FMN1: variants seen among roughly 807,000 people sequenced by gnomAD.
The protein encoded by FMN1 is formin-1.
In FMN1, 110 loss-of-function variants were observed where a neutral mutation model predicts 132.4. The ratio of observed to expected loss-of-function variants is 0.83; its 90% CI spans 0.71 to 0.97. The LOEUF (loss-of-function observed/expected upper bound fraction) is 0.97. FMN1 is among the 50% of genes least tolerant of loss of function. The probability of loss-of-function intolerance (pLI) is 0.00; values close to 1 mark genes in which losing one functional copy is unlikely to be tolerated. For synonymous variants in FMN1, 722 were observed against 651.7 expected (o/e 1.11, Z -1.64); for missense variants, 1,792 against 1,705.3 (o/e 1.05, Z -0.90).
chr15:32,785,592 A>ATTAC (rs1337685478), intron 19 of FMN1, among the ~76,000 whole-genome samples: 1 of 152,174 alleles, frequency 6.6e-6, no homozygotes, highest in African/African-American at 2.4e-5. Context: ...TTCAGTCAGT[A>ATTAC]CAGAAAATAC....
intron 7 of FMN1, among the ~76,000 whole-genome samples, chr15:32,999,446 A>G (rs1254972846): frequency 6.6e-6 from 1 of 152,226 alleles, no homozygotes; most frequent in Non-Finnish European, 1.5e-5. Flanking sequence ...ACAAGTCTTA[A>G]TGGAGGCCAG....
At chr15:33,138,281 T>G (rs542038966) in intron 4 of FMN1, among the ~76,000 whole-genome samples, 5 of 152,302 alleles carry the variant, frequency 3.3e-5, no homozygotes, top group African/African-American at 1.2e-4. Context: ...TCGAGTAACC[T>G]AAAGATGAGT....
At position 32,999,918 on chromosome 15, in the gene FMN1, C is replaced by T. The variant is rs117586802; in HGVS notation, c.2223+8096G>A. 1.2e-4 allele frequency among the ~76,000 whole-genome samples: 18 copies of T among 152,300 alleles called. No individual in the cohort carries two copies. In the East Asian group the frequency reaches 3.5e-3, roughly 29 times the overall value. On this transcript the variant is annotated intron_variant, in intron 7 of 20. Coordinates refer to ENST00000616417, the MANE Select transcript of FMN1 (RefSeq NM_001277313.2). ...AGAGATCCAAAGAAGTCCTACTAAT[C>T]CCATGCTCAGGCTTCCCTTTTGTCA... is the stretch of plus-strand genomic sequence containing the variant.
At chr15:32,997,451 C>A (rs969349234) in intron 7 of FMN1, among the ~76,000 whole-genome samples, 1 of 151,720 alleles carries the variant, frequency 6.6e-6, no homozygotes, top group Non-Finnish European at 1.5e-5. Context: ...GCAGTGAATA[C>A]ATATCAAATT....
chr15:32,840,314 A>C (rs2058718462), intron 17 of FMN1, among the ~76,000 whole-genome samples: 1 of 152,192 alleles, frequency 6.6e-6, no homozygotes, highest in African/African-American at 2.4e-5. Context: ...GTGAGGACTA[A>C]GTCACTTCAA....
chr15:33,010,139 T>G (rs2034632590), intron 6 of FMN1, among the ~76,000 whole-genome samples: 1 of 152,136 alleles, frequency 6.6e-6, no homozygotes, highest in African/African-American at 2.4e-5. Flanking sequence ...CCCCCTCGGC[T>G]TCTCAAAGTG....
At chr15:32,858,034 T>C (rs1031592279) in intron 16 of FMN1, among the ~76,000 whole-genome samples, 1 of 152,200 alleles carries the variant, frequency 6.6e-6, no homozygotes, top group Non-Finnish European at 1.5e-5. Context: ...CAAAAGCCTA[T>C]TAATAAAGCA....
chr15:33,150,912 C>T, intron 4 of FMN1: 1 of 1,017,538 alleles, frequency 9.8e-7, no homozygotes, highest in Non-Finnish European at 1.2e-6. Context: ...GAATTATTCA[C>T]CCCTCTTTCT....
At chr15:32,980,495 C>T (rs2032568468) in intron 7 of FMN1, among the ~76,000 whole-genome samples, 1 of 152,114 alleles carries the variant, frequency 6.6e-6, no homozygotes. Flanking sequence ...ATTAAAAGAA[C>T]ATTTAATCTT....
At position 33,125,580 on chromosome 15, in the gene FMN1, C is replaced by T. The variant is rs576395339; in HGVS notation, c.1867+27468G>A. ...ATAGGTGGGGCATGGTGTCTCACAC[C>T]TGTAATCCCAGCACTTCGGAAGGCC... On this transcript the variant is annotated intron_variant, in intron 4 of 20. Coordinates refer to ENST00000616417, the MANE Select transcript of FMN1 (RefSeq NM_001277313.2). Among the ~76,000 whole-genome samples, 10 of 152,252 alleles carry T rather than the reference C, an allele frequency of 6.6e-5. No homozygotes were observed. In the South Asian group the frequency reaches 2.1e-3, roughly 32 times the overall value.
intron 7 of FMN1, among the ~76,000 whole-genome samples, chr15:33,001,300 G>C (rs143612761): frequency 4.7e-4 from 72 of 151,998 alleles, no homozygotes; most frequent in African/African-American, 1.7e-3. Flanking sequence ...AAAAAAAAAA[G>C]TGTAGCAATT....
intron 19 of FMN1, among the ~76,000 whole-genome samples, chr15:32,781,991 C>T (rs1469353995): frequency 2.6e-5 from 4 of 152,180 alleles, no homozygotes; most frequent in African/African-American, 9.7e-5. Flanking sequence ...GAGTCATTTC[C>T]ATGCATGCAA....
At chr15:32,794,902 GAAC>G (rs2057229091) in intron 19 of FMN1, among the ~76,000 whole-genome samples, 1 of 152,200 alleles carries the variant, frequency 6.6e-6, no homozygotes, top group Non-Finnish European at 1.5e-5. Context: ...TGATCTTCAA[GAAC>G]AACATTAGGA....
intron 17 of FMN1, among the ~76,000 whole-genome samples, chr15:32,847,166 C>T (rs1258683206): frequency 6.6e-6 from 1 of 152,290 alleles, no homozygotes; most frequent in Non-Finnish European, 1.5e-5. Context: ...TCAATTCTTA[C>T]ATGGTTGAGG....
At chr15:33,171,643 T>G (rs918586150) in intron 3 of FMN1, among the ~76,000 whole-genome samples, 21 of 151,462 alleles carry the variant, frequency 1.4e-4, no homozygotes, top group Non-Finnish European at 2.5e-4. Context: ...GAACTATGGG[T>G]TTTTTTTTAA....
chr15:33,136,019 T>C (rs978782811), intron 4 of FMN1, among the ~76,000 whole-genome samples: 34 of 152,254 alleles, frequency 2.2e-4, no homozygotes, highest in African/African-American at 7.7e-4. Flanking sequence ...ATTCAATAAA[T>C]ATTTGTTGAA....
At chr15:33,119,334 G>A (rs891011747) in intron 4 of FMN1, among the ~76,000 whole-genome samples, 11 of 152,172 alleles carry the variant, frequency 7.2e-5, no homozygotes, top group African/African-American at 2.7e-4. Flanking sequence ...GGCTACAGTG[G>A]TAGCAGGCAC....
chr15:32,861,644 G>A (rs1436643449), intron 16 of FMN1, among the ~76,000 whole-genome samples: 1 of 152,228 alleles, frequency 6.6e-6, no homozygotes, highest in African/African-American at 2.4e-5. Flanking sequence ...TGGGAAACAT[G>A]TCAAGGTCAG....
intron 9 of FMN1, among the ~76,000 whole-genome samples, chr15:32,934,305 G>A (rs1218020614): frequency 6.6e-6 from 1 of 151,898 alleles, no homozygotes. Context: ...ATCCATTAAC[G>A]TATTTTTATA....
Sources: allele counts gnomAD v4.1 joint callset (sites outside exome capture counted in the v4.1 genomes callset), GRCh38; gene constraint gnomAD v4.1.1; transcripts MANE v1.5; gene names NCBI Gene and HGNC (gene_info 2026-07-23, HGNC 2026-07-21).